SEPTIN2: variants seen among roughly 807,000 people sequenced by gnomAD.
SEPTIN2 encodes the protein septin-2.
Under a neutral mutation model 46.5 loss-of-function variants are expected in SEPTIN2, and 34 were observed. The observed-to-expected ratio is 0.73, with a 90% CI of 0.56 to 0.97. The LOEUF (loss-of-function observed/expected upper bound fraction) is 0.97, where lower values mean the gene tolerates loss of function less well. Ranked by LOEUF, SEPTIN2 falls within the 50% of genes least tolerant of loss-of-function variation. SEPTIN2 has a pLI of 0.00. For missense variants in SEPTIN2, 347 were observed against 448.4 expected (o/e 0.77, Z 2.04); for synonymous variants, 175 against 153.4 (o/e 1.14, Z -1.04).
chr2:241,351,148 G>C (rs1575420435), intron 12 of SEPTIN2, among the ~76,000 whole-genome samples: 1 of 152,120 alleles, frequency 6.6e-6, no homozygotes, highest in Admixed American at 6.5e-5. Flanking sequence ...GAGGGGACTT[G>C]AGCCTTCAAC....
chr2:241,331,084 C>T (rs1052000073), intron 3 of SEPTIN2, among the ~76,000 whole-genome samples: 5 of 152,050 alleles, frequency 3.3e-5, no homozygotes, highest in South Asian at 4.2e-4. Flanking sequence ...GAGGCTGAGG[C>T]GGGAGAATCG....
intron 3 of SEPTIN2, 57 bp from the exon 4 acceptor site, chr2:241,335,069 C>A (rs1203222863): frequency 2.4e-6 from 3 of 1,233,482 alleles, no homozygotes; most frequent in Non-Finnish European, 2.4e-6. Context: ...AACACTTAAC[C>A]GATTGAATGG....
At chr2:241,349,236 G>T (rs1415449441) in intron 11 of SEPTIN2, among the ~76,000 whole-genome samples, 1 of 151,840 alleles carries the variant, frequency 6.6e-6, no homozygotes, top group Non-Finnish European at 1.5e-5. Flanking sequence ...ATGCATGTCG[G>T]CATGCACCTG....
intron 7 of SEPTIN2, among the ~76,000 whole-genome samples, chr2:241,342,025 C>T (rs1185787741): frequency 1.3e-5 from 2 of 152,156 alleles, no homozygotes; most frequent in African/African-American, 4.8e-5. Flanking sequence ...TTGATAGGTC[C>T]GATTGTGGGA....
chr2:241,342,943 TA>T lies in SEPTIN2; in HGVS notation c.595-47del, dbSNP rs1355198850. Reference sequence around the variant, plus strand: ...CAAGATGAGCTAGAATTGGCTACAATAACATACGCAGTTTGCTAAAATTGAT... The same window carrying T: ...CAAGATGAGCTAGAATTGGCTACAATACATACGCAGTTTGCTAAAATTGAT... On this transcript the variant is annotated intron_variant, in intron 7 of 12. Coordinates refer to ENST00000391971, the MANE Select transcript of SEPTIN2 (RefSeq NM_004404.5). The T allele has an allele frequency of 6.3e-6, 6 of 947,206 alleles. No individual in the cohort carries two copies. The South Asian group carries it at 7.1e-5, about 11-fold the overall frequency. 58.7% of individuals were successfully genotyped at this position (947,206 alleles called of 1,614,324 possible).
intron 3 of SEPTIN2, among the ~76,000 whole-genome samples, chr2:241,327,886 G>C (rs2078264455): frequency 6.6e-6 from 1 of 151,724 alleles, no homozygotes; most frequent in Admixed American, 6.6e-5. Context: ...AACCCTGTCT[G>C]TACAAAAGAT....
At chr2:241,326,890 A>T (rs1010771860) in intron 3 of SEPTIN2, among the ~76,000 whole-genome samples, 1 of 152,054 alleles carries the variant, frequency 6.6e-6, no homozygotes, top group African/African-American at 2.4e-5. Flanking sequence ...GCTGGGCAAC[A>T]TGGTGAAACC....
chr2:241,351,069 T>C (rs1255844024), intron 12 of SEPTIN2, among the ~76,000 whole-genome samples: 1 of 152,090 alleles, frequency 6.6e-6, no homozygotes, highest in Non-Finnish European at 1.5e-5. Flanking sequence ...CGCTGGGAAT[T>C]TGGTAGAAGG....
Position 241,337,753 on chromosome 2 carries a change from C to T in SEPTIN2, c.557C>T (p.Thr186Ile). The change falls in exon 7 of 13, where the codon ACT becomes ATT. Residue 186 changes from threonine (T) to isoleucine (I), a missense_variant. Physicochemically the swap from Thr to Ile is moderately conservative, Grantham distance 89. Coordinates refer to ENST00000391971, the MANE Select transcript of SEPTIN2 (RefSeq NM_004404.5). ...NIVPVIAKAD[T>I]LTLKERERLK... The stretch of plus-strand genomic sequence containing the variant: ...GTGCCTGTCATTGCAAAAGCTGACA[C>T]TCTCACCCTGAAGGAACGGGAGCGG... The T allele has an allele frequency of 6.2e-7, 1 of 1,614,082 alleles. No homozygotes were observed. The highest frequency in any genetic ancestry group is 8.5e-7 in the Non-Finnish European group (1 of 1,179,986).
chr2:241,338,468 G>T (rs748019945), intron 7 of SEPTIN2, among the ~76,000 whole-genome samples: 5 of 150,522 alleles, frequency 3.3e-5, no homozygotes, highest in Non-Finnish European at 5.9e-5. Context: ...CGATCTGTGC[G>T]TGTAATCACA....
Position 241,335,238 on chromosome 2 carries a change from A to G in SEPTIN2, c.217+26A>G. On this transcript the variant is annotated intron_variant, in intron 4 of 12. Transcript: ENST00000391971. ...GTAAAAACATTCTTATGTTACTGTA[A>G]GTGTAATTCTACATGAAAGATGCTG... 1 of 1,607,078 alleles carries G rather than the reference A, an allele frequency of 6.2e-7. No homozygotes were observed. The highest frequency in any genetic ancestry group is 8.5e-7 in the Non-Finnish European group (1 of 1,174,996).
rs2078879249 is a variant in SEPTIN2, at chr2:241,330,895, T to C, written c.131-4231T>C. Among the ~76,000 whole-genome samples, 3 of 152,148 alleles carry C rather than the reference T, an allele frequency of 2.0e-5. No homozygotes were observed. In the South Asian group the frequency reaches 6.2e-4, roughly 32 times the overall value. ...ACTAAAGATAAGAAATTAGGCTGAGTGCAGTGGCTAACACCTGTAATCCCA... is the reference window on the plus strand; with the variant it reads ...ACTAAAGATAAGAAATTAGGCTGAGCGCAGTGGCTAACACCTGTAATCCCA... On this transcript the variant is annotated intron_variant, in intron 3 of 12. Transcript: ENST00000391971.
chr2:241,338,771 T>TTATATTTATATTATTTATATATAATAC (rs2080598365), intron 7 of SEPTIN2, among the ~76,000 whole-genome samples: 2 of 43,944 alleles, frequency 4.6e-5, no homozygotes, highest in East Asian at 4.9e-4. Context: ...ATTGTTTATA[T>TTATATTTATATTATTTATATATAATAC]ATATTATATT....
Position 241,346,258 on chromosome 2 carries a change from A to G in SEPTIN2, c.926+9A>G. 1 of 1,611,296 alleles carries G rather than the reference A, an allele frequency of 6.2e-7. No homozygotes were observed. ...CTCAAGAGAGGCGGCAGGTCATCAC[A>G]CTGTGCCCCTTTCTCTGTATTGTGT... On this transcript the variant is annotated intron_variant, in intron 10 of 12. Transcript: ENST00000391971.
Position 241,343,871 on chromosome 2 carries a change from C to CT in SEPTIN2, c.819dup (p.Leu274SerfsTer24), listed in dbSNP as rs1330383084. On this transcript the variant is annotated frameshift_variant, in exon 9 of 13. Coordinates refer to ENST00000391971, the MANE Select transcript of SEPTIN2 (RefSeq NM_004404.5). LOFTEE classifies it high-confidence loss of function. ...AAGTGGAGAACCCAGAGCACAATGA[C>CT]TTTCTGAAGCTGAGAACCATGCTCA... is the stretch of plus-strand genomic sequence containing the variant. 6.2e-7 allele frequency: 1 copy of CT among 1,614,216 alleles called. No homozygotes were observed. The highest frequency in any genetic ancestry group is 1.1e-5 in the South Asian group (1 of 91,084).
In SEPTIN2 at chr2:241,353,256, C is replaced by T. The variant is rs1456842488; in HGVS notation, c.*1319C>T. The T allele has an allele frequency of 2.6e-5, 4 of 152,200 alleles. No homozygotes were observed. Among genetic ancestry groups the T allele is most frequent in the African/African-American group, 7.2e-5 (3 of 41,440 alleles). 9.4% of individuals were successfully genotyped at this position (152,200 alleles called of 1,614,324 possible). ...AGGCTAGTGGGCAGGTCCGCACAGT[C>T]GAAGCCACACCTGGTCTGTTTTCTG... On this transcript the variant is annotated 3_prime_UTR_variant, in exon 13 of 13. Coordinates refer to ENST00000391971, the MANE Select transcript of SEPTIN2 (RefSeq NM_004404.5).
chr2:241,338,898 T>G (rs1165973109), intron 7 of SEPTIN2, among the ~76,000 whole-genome samples: 13 of 80,474 alleles, frequency 1.6e-4, no homozygotes, highest in Non-Finnish European at 2.9e-4. Flanking sequence ...ATATATTATA[T>G]ATATTATATA....
At chr2:241,330,979 C>T (rs963781380) in intron 3 of SEPTIN2, among the ~76,000 whole-genome samples, 1 of 152,122 alleles carries the variant, frequency 6.6e-6, no homozygotes, top group Non-Finnish European at 1.5e-5. Flanking sequence ...AGACCAGCCC[C>T]CCCAACATGG....
chr2:241,318,568 G>C (rs868302821), intron 1 of SEPTIN2, among the ~76,000 whole-genome samples: 11 of 152,068 alleles, frequency 7.2e-5, no homozygotes, highest in African/African-American at 2.7e-4. Context: ...TAAAAATTCT[G>C]TTGTAAATGA....
Sources: gnomAD v4.1 joint callset for allele counts (sites outside exome capture counted in the v4.1 genomes callset) on GRCh38, gnomAD v4.1.1 for gene constraint, MANE v1.5 for transcripts, NCBI Gene and HGNC (gene_info 2026-07-23, HGNC 2026-07-21) for gene names.